Variants in GNPDA2 observed in about 807,000 individuals in gnomAD.
The protein encoded by GNPDA2 is glucosamine-6-phosphate deaminase 2, also known as glcN6P deaminase 2.
Under a neutral mutation model 27.0 loss-of-function variants are expected in GNPDA2, and 24 were observed. The ratio of observed to expected loss-of-function variants is 0.89; its 90% CI spans 0.64 to 1.25. The LOEUF (loss-of-function observed/expected upper bound fraction) is 1.25, where lower values mean the gene tolerates loss of function less well. Ranked by LOEUF, GNPDA2 falls within the 50% of genes most tolerant of loss-of-function variation. The pLI is 0.00. For synonymous variants in GNPDA2, 94 were observed against 108.4 expected (o/e 0.87, Z 0.83); for missense variants, 286 against 335.1 (o/e 0.85, Z 1.14).
At chr4:44,723,589 G>A (rs1228887755) in intron 1 of GNPDA2, among the ~76,000 whole-genome samples, 6 of 151,880 alleles carry the variant, frequency 4.0e-5, no homozygotes, top group African/African-American at 9.7e-5. Context: ...TGAATTTCGC[G>A]GTGTATATAT....
In GNPDA2 at chr4:44,702,676, G is replaced by C. The variant is rs1341407960; in HGVS notation, c.*405C>G. ...TAAAGATTGCATTCCAAAAGTGAAG[G>C]TCTGCAATGATAGTTTGTTATCTGA... is the stretch of plus-strand genomic sequence containing the variant. On this transcript the variant is annotated 3_prime_UTR_variant, in exon 7 of 7. Coordinates refer to ENST00000295448, the MANE Select transcript of GNPDA2 (RefSeq NM_138335.3). 9.7e-7 allele frequency: 1 copy of C among 1,026,944 alleles called. No individual in the cohort carries two copies. The highest frequency in any genetic ancestry group is 1.2e-6 in the Non-Finnish European group (1 of 858,080). 63.6% of individuals were successfully genotyped at this position (1,026,944 alleles called of 1,614,324 possible).
At chr4:44,706,618 T>G (rs1300818963) in intron 6 of GNPDA2, 2 of 151,920 alleles carry the variant, frequency 1.3e-5, no homozygotes, top group African/African-American at 2.4e-5. Context: ...GAGTATGAGA[T>G]GCTATAAATT....
chr4:44,722,130 C>A lies in GNPDA2; in HGVS notation c.78G>T (p.Gln26His). ...AAKYICNRII[Q>H]FKPGQDRYFT... is the part of the protein sequence containing the mutation. Reference sequence around the variant, plus strand: ...AATATCTGTCCTGTCCAGGTTTGAACTGAATGATGCGATTACAGATGTATT... The same window carrying A: ...AATATCTGTCCTGTCCAGGTTTGAAATGAATGATGCGATTACAGATGTATT... Residue 26 changes from glutamine (Q) to histidine (H), a missense_variant, in exon 2 of 7, where the codon CAG becomes CAT. Transcript: ENST00000295448. The A allele has an allele frequency of 6.2e-7, 1 of 1,613,472 alleles. No homozygotes were observed. Among genetic ancestry groups the A allele is most frequent in the Non-Finnish European group, 8.5e-7 (1 of 1,179,548 alleles).
intron 4 of GNPDA2, chr4:44,714,500 A>T: frequency 2.0e-6 from 2 of 985,282 alleles, no homozygotes; most frequent in Non-Finnish European, 2.4e-6. Flanking sequence ...AACATTTTTG[A>T]GCTCTTCTCA....
At chr4:44,705,826 A>T (rs1265629252) in intron 6 of GNPDA2, 1 of 151,974 alleles carries the variant, frequency 6.6e-6, no homozygotes, top group African/African-American at 2.4e-5. Context: ...CTGTCTGTTA[A>T]GCCTATTAAT....
intron 2 of GNPDA2, among the ~76,000 whole-genome samples, chr4:44,721,298 TACAC>T (rs1717652081): frequency 6.6e-6 from 1 of 152,136 alleles, no homozygotes; most frequent in African/African-American, 2.4e-5. Flanking sequence ...ACAAGGGACT[TACAC>T]ATACACTATC....
At chr4:44,703,279 A>G in intron 6 of GNPDA2, 137 bp from the exon 7 acceptor site, 1 of 1,409,446 alleles carries the variant, frequency 7.1e-7, no homozygotes, top group Non-Finnish European at 9.2e-7. Flanking sequence ...GTTTATTGAA[A>G]AAGTACAAAT....
In GNPDA2 at chr4:44,709,361, T is replaced by C. The variant is rs77037865; in HGVS notation, c.595-1435A>G. On this transcript the variant is annotated intron_variant, in intron 5 of 6. Coordinates refer to ENST00000295448, the MANE Select transcript of GNPDA2 (RefSeq NM_138335.3). ...AAATAGACTTGATCTGATATGTGATTAGTTATATCATACCTGTTCTACTCT... is the reference window on the plus strand; with the variant it reads ...AAATAGACTTGATCTGATATGTGATCAGTTATATCATACCTGTTCTACTCT... 8.5e-3 allele frequency among the ~76,000 whole-genome samples: 1,299 copies of C among 152,274 alleles called. 13 individuals are homozygous for C. The highest frequency in any genetic ancestry group is 0.03 in the African/African-American group (1,249 of 41,560).
chr4:44,724,010 C>G (rs996678543), intron 1 of GNPDA2, among the ~76,000 whole-genome samples: 1 of 152,144 alleles, frequency 6.6e-6, no homozygotes, highest in Non-Finnish European at 1.5e-5. Context: ...AGGCACTTTC[C>G]CCTTCCATCT....
Position 44,702,420 on chromosome 4 carries a change from T to TAAATAAAA in GNPDA2, c.*653_*660dup. 1 of 975,634 alleles carries TAAATAAAA rather than the reference T, an allele frequency of 1.0e-6. No homozygotes were observed. The highest frequency in any genetic ancestry group is 4.8e-5 in the South Asian group (1 of 21,046). 60.4% of individuals were successfully genotyped at this position (975,634 alleles called of 1,614,324 possible). ...TATTAGGGACATGAACCCAAGTCGT[T>TAAATAAAA]AAATAAAAATAAGATATTTGTAAAA... is the stretch of plus-strand genomic sequence containing the variant. On this transcript the variant is annotated 3_prime_UTR_variant, in exon 7 of 7. Transcript: ENST00000295448.
At chr4:44,724,504 A>G (rs904818536) in intron 1 of GNPDA2, among the ~76,000 whole-genome samples, 1 of 152,154 alleles carries the variant, frequency 6.6e-6, no homozygotes, top group African/African-American at 2.4e-5. Context: ...TAGTTTATAA[A>G]CGTCCCCTTA....
intron 5 of GNPDA2, among the ~76,000 whole-genome samples, chr4:44,710,701 G>C (rs1716919587): frequency 6.6e-6 from 1 of 152,124 alleles, no homozygotes; most frequent in Non-Finnish European, 1.5e-5. Flanking sequence ...CCTCAAACTG[G>C]AGCAGGAATA....
intron 6 of GNPDA2, chr4:44,705,550 T>C: frequency 1.4e-6 from 1 of 700,454 alleles, no homozygotes; most frequent in Non-Finnish European, 1.8e-6. Flanking sequence ...ACTAAATACA[T>C]ATAAACATCT....
rs1458984090 is a variant in GNPDA2 at position 44,711,118 on chromosome 4, A to G, written c.429T>C (p.His143=). The G allele has an allele frequency of 5.0e-6, 8 of 1,602,798 alleles. No homozygotes were observed. The South Asian group carries it at 9.0e-5, about 18-fold the overall frequency. The part of the protein sequence containing the change: ...LFVGGIGPDG[H]IAFNEPGSSL... Reference sequence around the variant, plus strand: ...TGGATCCAGGCTCATTGAAAGCGATATGACCATCTGGACCAATTCCTTTCA... The same window carrying G: ...TGGATCCAGGCTCATTGAAAGCGATGTGACCATCTGGACCAATTCCTTTCA... Residue 143 remains histidine (H), a synonymous_variant, in exon 5 of 7, where the codon CAT becomes CAC. Transcript: ENST00000295448.
At chr4:44,719,110 AATAAAT>A (rs1488586445) in intron 2 of GNPDA2, among the ~76,000 whole-genome samples, 2 of 152,058 alleles carry the variant, frequency 1.3e-5, no homozygotes, top group Non-Finnish European at 2.9e-5. Flanking sequence ...ACAAAATAAA[AATAAAT>A]ATATTTAGCC....
intron 6 of GNPDA2, 166 bp downstream of exon 6, chr4:44,707,586 A>C: frequency 2.0e-6 from 1 of 504,080 alleles, no homozygotes; most frequent in Non-Finnish European, 3.5e-6. Flanking sequence ...ACTACTTTGA[A>C]GATACTATTA....
Position 44,722,106 on chromosome 4 carries a change from A to G in GNPDA2, c.102T>C (p.Tyr34=). The G allele has an allele frequency of 6.2e-7, 1 of 1,611,224 alleles. No homozygotes were observed. The highest frequency in any genetic ancestry group is 2.2e-5 in the East Asian group (1 of 44,770). The part of the protein sequence containing the change: ...IIQFKPGQDR[Y]FTLGLPTGST... ...TACCTGTTGGTAAACCCAGTGTAAA[A>G]TATCTGTCCTGTCCAGGTTTGAACT... is the stretch of plus-strand genomic sequence containing the variant. The change falls in exon 2 of 7, where the codon TAT becomes TAC. Residue 34 remains tyrosine (Y), a synonymous_variant. Transcript: ENST00000295448.
At chr4:44,716,905 T>C (rs1164511870) in intron 4 of GNPDA2, among the ~76,000 whole-genome samples, 1 of 151,830 alleles carries the variant, frequency 6.6e-6, no homozygotes, top group Non-Finnish European at 1.5e-5. Flanking sequence ...AGGTAAACAA[T>C]TCCAGCTGTC....
intron 1 of GNPDA2, among the ~76,000 whole-genome samples, chr4:44,724,064 G>T (rs73815520): frequency 0.077 from 11,725 of 152,116 alleles, 532 homozygotes; most frequent in Admixed American, 0.13. Context: ...AGTAGCCTTT[G>T]GTCCTTTGCT....
Sources: gnomAD v4.1 joint callset for allele counts (sites outside exome capture counted in the v4.1 genomes callset) on GRCh38, gnomAD v4.1.1 for gene constraint, MANE v1.5 for transcripts, NCBI Gene and HGNC (gene_info 2026-07-23, HGNC 2026-07-21) for gene names.